The following BDH2 variants were observed in gnomAD, a reference collection of about 807,000 sequenced individuals.
BDH2 encodes the protein 3-hydroxybutyrate dehydrogenase 2.
BDH2 carries 24 observed loss-of-function variants against 33.2 expected under a neutral mutation model. That is an observed-to-expected ratio of 0.72 (90% CI 0.52 to 1.02). The LOEUF (loss-of-function observed/expected upper bound fraction) is 1.02. BDH2 is among the 50% of genes least tolerant of loss of function. The probability of loss-of-function intolerance (pLI) is 0.00; values close to 1 mark genes in which losing one functional copy is unlikely to be tolerated. For missense variants in BDH2, 249 were observed against 301.6 expected (o/e 0.83, Z 1.29); for synonymous variants, 81 against 101.6 (o/e 0.80, Z 1.22).
chr4:103,092,470 TCTA>T (rs1037929871), intron 4 of BDH2, 127 bp downstream of exon 4: 1 of 666,888 alleles, frequency 1.5e-6, no homozygotes, highest in Non-Finnish European at 2.6e-6. Context: ...CTGTGTAAAA[TCTA>T]GCCATATTTC....
At chr4:103,085,251 T>G in intron 7 of BDH2, 98 bp downstream of exon 7, 3 of 906,144 alleles carry the variant, frequency 3.3e-6, no homozygotes, top group Non-Finnish European at 5.2e-6. Context: ...AACTCTGCCT[T>G]TGTAGCATGA....
In BDH2 at chr4:103,092,692, A is replaced by C. The variant is rs1204916805; in HGVS notation, c.156T>G (p.Ile52Met). Reference sequence around the variant, plus strand: ...TTGTGACATCAAGGACACGAGTTTGAATACCTGAAAAATAAAACAAGAGGC... The same window carrying C: ...TTGTGACATCAAGGACACGAGTTTGCATACCTGAAAAATAAAACAAGAGGC... ...KLQELEKYPGIQTRVLDVTKK... is the reference protein window; with the variant it reads ...KLQELEKYPGMQTRVLDVTKK... Residue 52 changes from isoleucine to methionine, a missense_variant, in exon 4 of 10, where the codon ATT (isoleucine) becomes ATG (methionine). By Grantham distance (10) the Ile-to-Met change is conservative. Transcript: ENST00000296424. 1.9e-6 allele frequency: 3 copies of C among 1,606,792 alleles called. No individual in the cohort carries two copies. Among genetic ancestry groups the C allele is most frequent in the Non-Finnish European group, 2.6e-6 (3 of 1,173,650 alleles).
intron 5 of BDH2, among the ~76,000 whole-genome samples, 184 bp downstream of exon 5, chr4:103,090,993 G>A (rs558378908): frequency 6.6e-6 from 1 of 152,302 alleles, no homozygotes; most frequent in Non-Finnish European, 1.5e-5. Context: ...AATATTCCTT[G>A]AGTGGATGAG....
intron 9 of BDH2, among the ~76,000 whole-genome samples, chr4:103,080,860 G>T (rs1747481480): frequency 6.6e-6 from 1 of 152,212 alleles, no homozygotes; most frequent in South Asian, 2.1e-4. Flanking sequence ...AGGCTCATGT[G>T]CTTCTTCATT....
chr4:103,098,111 T>G (rs1211040344), intron 1 of BDH2, among the ~76,000 whole-genome samples: 16 of 152,136 alleles, frequency 1.1e-4, no homozygotes, highest in African/African-American at 2.9e-4. Flanking sequence ...GAAGGACTGC[T>G]GTGGAGAACA....
intron 5 of BDH2, among the ~76,000 whole-genome samples, chr4:103,090,251 C>T (rs535772959): frequency 1.1e-4 from 16 of 152,270 alleles, no homozygotes; most frequent in African/African-American, 3.1e-4. Context: ...CAGGGATGTA[C>T]GCTGCTCATG....
At chr4:103,098,816 T>G (rs1033268562) in intron 1 of BDH2, 1 of 152,132 alleles carries the variant, frequency 6.6e-6, no homozygotes, top group African/African-American at 2.4e-5. Flanking sequence ...ATAAAATCCA[T>G]GCATATTTAA....
chr4:103,097,314 A>C (rs1748458276), intron 1 of BDH2, among the ~76,000 whole-genome samples: 1 of 152,240 alleles, frequency 6.6e-6, no homozygotes, highest in Admixed American at 6.5e-5. Flanking sequence ...TAACAGGCAT[A>C]ATCAGTAATT....
chr4:103,085,663 AACTTAATTGAG>A, intron 6 of BDH2: 2 of 1,496,998 alleles, frequency 1.3e-6, no homozygotes, highest in Non-Finnish European at 1.8e-6. Context: ...GTATAGGCAC[AACTTAATTGAG>A]ACTTAATTGA....
intron 6 of BDH2, chr4:103,086,048 T>A: frequency 8.7e-7 from 1 of 1,149,158 alleles, no homozygotes; most frequent in East Asian, 6.5e-5. Flanking sequence ...TTTCCCTGTA[T>A]TTTGACAGCG....
intron 9 of BDH2, among the ~76,000 whole-genome samples, chr4:103,080,654 A>G (rs1747465331): frequency 6.6e-6 from 1 of 152,248 alleles, no homozygotes; most frequent in Admixed American, 6.5e-5. Flanking sequence ...TTCTTTTAAA[A>G]GACAAGCTCT....
intron 5 of BDH2, among the ~76,000 whole-genome samples, chr4:103,089,174 GAA>G (rs1392053507): frequency 6.6e-6 from 1 of 152,164 alleles, no homozygotes; most frequent in East Asian, 1.9e-4. Flanking sequence ...GCTTCCCCTG[GAA>G]AGTTCTAACA....
intron 7 of BDH2, among the ~76,000 whole-genome samples, chr4:103,084,491 A>G (rs1328476938): frequency 6.6e-6 from 1 of 152,178 alleles, no homozygotes; most frequent in Non-Finnish European, 1.5e-5. Flanking sequence ...TTGATAACAT[A>G]TTTTCCAATC....
intron 5 of BDH2, among the ~76,000 whole-genome samples, chr4:103,086,898 A>G (rs750298291): frequency 6.6e-6 from 1 of 152,192 alleles, no homozygotes; most frequent in Non-Finnish European, 1.5e-5. Context: ...TTCAACACAT[A>G]ATTTTTGAAT....
At chr4:103,082,277 G>A (rs1578499006) in intron 8 of BDH2, 104 bp from the exon 9 acceptor site, 1 of 932,460 alleles carries the variant, frequency 1.1e-6, no homozygotes, top group Non-Finnish European at 1.7e-6. Context: ...CTGGCTTGCT[G>A]CCTTGATGAA....
intron 6 of BDH2, 22 bp downstream of exon 6, chr4:103,086,458 C>T: frequency 6.2e-7 from 1 of 1,610,516 alleles, no homozygotes; most frequent in Non-Finnish European, 8.5e-7. Flanking sequence ...GCATCGCAGT[C>T]CTCGGAAGGA....
chr4:103,094,930 T>C (rs1748309392), intron 3 of BDH2, among the ~76,000 whole-genome samples: 1 of 152,186 alleles, frequency 6.6e-6, no homozygotes, highest in South Asian at 2.1e-4. Flanking sequence ...CTAGTAAATT[T>C]TCACATGTAA....
chr4:103,091,452 C>T (rs1246099200), intron 4 of BDH2, among the ~76,000 whole-genome samples, 167 bp from the exon 5 acceptor site: 1 of 151,992 alleles, frequency 6.6e-6, no homozygotes, highest in African/African-American at 2.4e-5. Context: ...AGTAAGAATC[C>T]CAACAACTTA....
rs114396337 is a variant in BDH2, at chr4:103,098,189, A to C, written c.-21+1594T>G. ...GTTATCTAGTGGGGGCGCTGGTGAA[A>C]TAGCAGGGCTGGAGAAAATAGCAGG... On this transcript the variant is annotated intron_variant, in intron 1 of 9. Transcript: ENST00000296424. 4.7e-3 allele frequency among the ~76,000 whole-genome samples: 723 copies of C among 152,286 alleles called. 9 individuals carry two copies. The highest frequency in any genetic ancestry group is 0.017 in the African/African-American group (707 of 41,556).
Sources: allele counts gnomAD v4.1 joint callset (sites outside exome capture counted in the v4.1 genomes callset), GRCh38; gene constraint gnomAD v4.1.1; transcripts MANE v1.5; gene names NCBI Gene and HGNC (gene_info 2026-07-23, HGNC 2026-07-21).